SLC16A2: variants seen among roughly 807,000 people sequenced by gnomAD.
SLC16A2 encodes solute carrier family 16 member 2, also known as monocarboxylate transporter 8.
A neutral mutation model predicts 27.2 loss-of-function variants in SLC16A2; 3 were observed. The observed-to-expected ratio is 0.11, with a 90% CI of 0.05 to 0.28. The LOEUF is 0.28. Among genes scored for constraint, SLC16A2 ranks in the 10% least tolerant of loss-of-function variants. The pLI is 1.00. For synonymous variants in SLC16A2, 202 were observed against 187.8 expected, an observed-to-expected ratio of 1.08 and a Z score of -0.62; for missense variants, 295 against 458.5, an observed-to-expected ratio of 0.64 and a Z score of 3.26.
At chrX:74,457,160 CGTT>C (rs1345088078) in intron 1 of SLC16A2, among the ~76,000 whole-genome samples, 1 of 111,520 alleles carries the variant, frequency 9.0e-6, no homozygotes, top group Non-Finnish European at 1.9e-5. Context: ...CCAACCGAAT[CGTT>C]GTCTCTGAGG....
At chrX:74,439,672 A>G (rs1411157483) in intron 1 of SLC16A2, among the ~76,000 whole-genome samples, 14 of 106,929 alleles carry the variant, frequency 1.3e-4, no homozygotes, top group African/African-American at 4.5e-4. Flanking sequence ...TATTCTAAGG[A>G]TCTCTAAGCC....
At chrX:74,469,683 G>A (rs985038493) in intron 1 of SLC16A2, among the ~76,000 whole-genome samples, 7 of 110,612 alleles carry the variant, frequency 6.3e-5, no homozygotes, top group African/African-American at 2.3e-4. Context: ...CGATTTTAGG[G>A]CAGTTTTAGA....
intron 1 of SLC16A2, among the ~76,000 whole-genome samples, chrX:74,440,801 G>GTT (rs748786987): frequency 1.9e-5 from 2 of 103,079 alleles, no homozygotes; most frequent in Non-Finnish European, 4.0e-5. Flanking sequence ...AATAAATGAG[G>GTT]GTGTGTGTGT....
chrX:74,442,058 G>A (rs911704051), intron 1 of SLC16A2, among the ~76,000 whole-genome samples: 12 of 109,047 alleles, frequency 1.1e-4, no homozygotes, highest in African/African-American at 4.0e-4. Context: ...GAGGAACCCC[G>A]TCTCTACTAG....
At chrX:74,469,053 C>G (rs1489558394) in intron 1 of SLC16A2, among the ~76,000 whole-genome samples, 4 of 111,768 alleles carry the variant, frequency 3.6e-5, no homozygotes, top group African/African-American at 1.3e-4. Flanking sequence ...CTTTTTAGCT[C>G]CTATATATGA....
At chrX:74,469,588 C>G (rs966154313) in intron 1 of SLC16A2, among the ~76,000 whole-genome samples, 3 of 111,038 alleles carry the variant, frequency 2.7e-5, no homozygotes, top group Non-Finnish European at 5.7e-5. Flanking sequence ...TATTAGGTAT[C>G]TTTTCATGTG....
chrX:74,485,818 G>A (rs1368665939), intron 1 of SLC16A2, among the ~76,000 whole-genome samples: 2 of 111,429 alleles, frequency 1.8e-5, no homozygotes, highest in Non-Finnish European at 3.8e-5. Flanking sequence ...GTGCCTGGCT[G>A]GATCAGGAGC....
chrX:74,489,129 G>A (rs780013036), intron 1 of SLC16A2, among the ~76,000 whole-genome samples: 21 of 111,524 alleles, frequency 1.9e-4, no homozygotes, highest in South Asian at 3.7e-4. Context: ...TTACTTCCCG[G>A]TTAACCATTT....
At chrX:74,482,672 T>C (rs1394052119) in intron 1 of SLC16A2, among the ~76,000 whole-genome samples, 1 of 111,519 alleles carries the variant, frequency 9.0e-6, no homozygotes, top group Non-Finnish European at 1.9e-5. Context: ...TTCTATTTGA[T>C]GGAAAGAATT....
chrX:74,488,878 C>T (rs1334053897), intron 1 of SLC16A2, among the ~76,000 whole-genome samples: 1 of 110,976 alleles, frequency 9.0e-6, no homozygotes, highest in Non-Finnish European at 1.9e-5. Flanking sequence ...TATACATAAC[C>T]CTTAAATAAA....
chrX:74,501,775 G>C (rs1930042000), intron 1 of SLC16A2, among the ~76,000 whole-genome samples: 1 of 111,111 alleles, frequency 9.0e-6, no homozygotes, highest in Admixed American at 9.6e-5. Context: ...GGGACGGGAG[G>C]GTACAGAAAA....
At chrX:74,443,934 G>C (rs1223577380) in intron 1 of SLC16A2, among the ~76,000 whole-genome samples, 2 of 111,607 alleles carry the variant, frequency 1.8e-5, no homozygotes, top group Admixed American at 1.9e-4. Context: ...GAGCAGAAGA[G>C]GAAGGCAGTT....
At chrX:74,471,136 A>G (rs897969404) in intron 1 of SLC16A2, among the ~76,000 whole-genome samples, 2 of 111,921 alleles carry the variant, frequency 1.8e-5, no homozygotes, top group African/African-American at 6.5e-5. Flanking sequence ...TCTTTTATGG[A>G]TTGTGCCTTT....
At chrX:74,477,397 G>A (rs5981276) in intron 1 of SLC16A2, among the ~76,000 whole-genome samples, 33,671 of 109,995 alleles carry the variant, frequency 0.31, 4,993 homozygotes, top group East Asian at 0.86. Flanking sequence ...CTAGCTAGCG[G>A]TCTATCCATT....
At chrX:74,452,305 G>A (rs374880683) in intron 1 of SLC16A2, among the ~76,000 whole-genome samples, 98 of 112,078 alleles carry the variant, frequency 8.7e-4, no homozygotes, top group East Asian at 2.8e-3. Context: ...GTCCGTTCCC[G>A]TTCTAGGAAA....
At chrX:74,423,255 A>G (rs1037792844) in intron 1 of SLC16A2, among the ~76,000 whole-genome samples, 24 of 111,862 alleles carry the variant, frequency 2.1e-4, no homozygotes, top group Admixed American at 2.0e-3. Context: ...CACCAGCCCC[A>G]AGTTCACAAC....
rs1179471488 is a variant in SLC16A2 at position 74,421,903 on chromosome X, C to G, written c.266C>G (p.Ala89Gly). 1 of 1,209,400 alleles carries G rather than the reference C, an allele frequency of 8.3e-7. No homozygotes were observed. The highest frequency in any genetic ancestry group is 1.1e-6 in the Non-Finnish European group (1 of 894,876). ...CCTACGGTAGAGACCCGCGGCACCG[C>G]GCGCGGCTTCCAGCCTCCCGAAGGT... ...PTPTVETRGTARGFQPPEGGF... is the reference protein window; with the variant it reads ...PTPTVETRGTGRGFQPPEGGF... Residue 89 changes from alanine to glycine, a missense_variant, in exon 1 of 6, where the codon GCG becomes GGG. Transcript: ENST00000587091.
chrX:74,448,302 ATTTT>A (rs144467927), intron 1 of SLC16A2, among the ~76,000 whole-genome samples: 107 of 64,241 alleles, frequency 1.7e-3, no homozygotes, highest in South Asian at 0.01. Flanking sequence ...AATCCTTTGG[ATTTT>A]TTTTTTTTTT....
At chrX:74,518,243 C>T (rs982401610) in intron 1 of SLC16A2, among the ~76,000 whole-genome samples, 2 of 112,259 alleles carry the variant, frequency 1.8e-5, no homozygotes, top group African/African-American at 3.2e-5. Flanking sequence ...CCACCAGCAG[C>T]GTATTACATT....
Sources: allele counts gnomAD v4.1 joint callset (sites outside exome capture counted in the v4.1 genomes callset), GRCh38; gene constraint gnomAD v4.1.1; transcripts MANE v1.5; gene names NCBI Gene and HGNC (gene_info 2026-07-23, HGNC 2026-07-21).